The following SNTB1 variants were observed in gnomAD, a reference collection of about 807,000 sequenced individuals.
The protein encoded by SNTB1 is syntrophin beta 1.
A neutral mutation model predicts 48.9 loss-of-function variants in SNTB1; 36 were observed. That is an observed-to-expected ratio of 0.74 (90% CI 0.56 to 0.97). The LOEUF (loss-of-function observed/expected upper bound fraction) is 0.97, where lower values mean the gene tolerates loss of function less well. Ranked by LOEUF, SNTB1 falls within the 50% of genes least tolerant of loss-of-function variation. The pLI, the probability that SNTB1 is intolerant of heterozygous loss-of-function variation, is 0.00. For synonymous variants in SNTB1, 299 were observed against 294.6 expected (o/e 1.01, Z -0.15); for missense variants, 786 against 703.4 (o/e 1.12, Z -1.33).
intron 3 of SNTB1, among the ~76,000 whole-genome samples, chr8:120,621,779 C>T (rs944791056): frequency 1.3e-5 from 2 of 152,088 alleles, no homozygotes; most frequent in Non-Finnish European, 2.9e-5. Context: ...CTTTCATGCA[C>T]CCCCAGGTTT....
At chr8:120,705,508 G>C (rs549957011) in intron 1 of SNTB1, among the ~76,000 whole-genome samples, 2 of 152,262 alleles carry the variant, frequency 1.3e-5, no homozygotes, top group African/African-American at 4.8e-5. Flanking sequence ...GTAAGATTTG[G>C]GTTCAATATA....
intron 5 of SNTB1, among the ~76,000 whole-genome samples, chr8:120,545,680 G>A (rs1262657678): frequency 2.0e-5 from 3 of 152,218 alleles, no homozygotes; most frequent in African/African-American, 7.2e-5. Flanking sequence ...TGATGGAAAT[G>A]TTCTAGATCT....
At chr8:120,671,722 C>T (rs1321082636) in intron 2 of SNTB1, among the ~76,000 whole-genome samples, 1 of 152,154 alleles carries the variant, frequency 6.6e-6, no homozygotes, top group Non-Finnish European at 1.5e-5. Context: ...TTATGGAAGT[C>T]TAGAAAACTA....
chr8:120,715,998 G>A (rs1332685392), intron 1 of SNTB1, among the ~76,000 whole-genome samples: 1 of 152,164 alleles, frequency 6.6e-6, no homozygotes. Flanking sequence ...CACATCCTGA[G>A]TTCCACAGAA....
chr8:120,812,033 G>T lies in SNTB1; in HGVS notation c.-190C>A. On this transcript the variant is annotated 5_prime_UTR_variant, in exon 1 of 7. Coordinates refer to ENST00000517992, the MANE Select transcript of SNTB1 (RefSeq NM_021021.4). ...GGAGTTGGCAGCTGCACTCAGGCTG[G>T]TTCCCCCTCGCCTGATCCTGACCGG... 7.9e-7 allele frequency: 1 copy of T among 1,261,332 alleles called. No homozygotes were observed. The highest frequency in any genetic ancestry group is 9.9e-7 in the Non-Finnish European group (1 of 1,008,484). The allele number at this position is 1,261,332 out of a possible 1,614,324, so 78.1% of individuals were successfully genotyped here.
chr8:120,653,342 A>C (rs1051060691), intron 2 of SNTB1, among the ~76,000 whole-genome samples: 2 of 152,162 alleles, frequency 1.3e-5, no homozygotes, highest in Non-Finnish European at 2.9e-5. Flanking sequence ...AGGTGATGTG[A>C]AGGTGGAGGC....
At chr8:120,679,106 C>G (rs566773529) in intron 2 of SNTB1, among the ~76,000 whole-genome samples, 22 of 152,318 alleles carry the variant, frequency 1.4e-4, no homozygotes, top group Non-Finnish European at 2.9e-4. Flanking sequence ...GCTTCCCCAC[C>G]ACTTGTTGGT....
Position 120,811,269 on chromosome 8 carries a change from T to C in SNTB1, c.571+4A>G. On this transcript the variant is annotated splice_donor_region_variant and intron_variant, in intron 1 of 6. Coordinates refer to ENST00000517992, the MANE Select transcript of SNTB1 (RefSeq NM_021021.4). ...GCGCGGCCCGCGCGCTGTTAACCCC[T>C]TACCTTCCAGCAGCACTTCCTTGCC... is the stretch of plus-strand genomic sequence containing the variant. The C allele has an allele frequency of 6.3e-7, 1 of 1,591,370 alleles. No homozygotes were observed. The highest frequency in any genetic ancestry group is 8.5e-7 in the Non-Finnish European group (1 of 1,174,480).
intron 2 of SNTB1, among the ~76,000 whole-genome samples, chr8:120,667,752 T>C (rs1817697684): frequency 6.6e-6 from 1 of 152,314 alleles, no homozygotes; most frequent in South Asian, 2.1e-4. Context: ...CAGTGTTTTT[T>C]TTTCTGGGAC....
intron 4 of SNTB1, among the ~76,000 whole-genome samples, chr8:120,562,062 G>A (rs964091744): frequency 2.0e-5 from 3 of 152,178 alleles, no homozygotes; most frequent in Non-Finnish European, 4.4e-5. Flanking sequence ...CTTAGAGCTC[G>A]ATTACTGTGA....
intron 3 of SNTB1, among the ~76,000 whole-genome samples, chr8:120,596,062 G>A (rs2130713196): frequency 6.6e-6 from 1 of 152,194 alleles, no homozygotes; most frequent in South Asian, 2.1e-4. Flanking sequence ...CAATGCCCCT[G>A]CCCATGTTCA....
chr8:120,651,158 A>C (rs1425198681), intron 2 of SNTB1, among the ~76,000 whole-genome samples: 2 of 152,186 alleles, frequency 1.3e-5, no homozygotes, highest in African/African-American at 4.8e-5. Flanking sequence ...GGTCCAATGA[A>C]GCATGGAGAG....
At chr8:120,687,230 T>G (rs904673172) in intron 2 of SNTB1, among the ~76,000 whole-genome samples, 7 of 152,332 alleles carry the variant, frequency 4.6e-5, no homozygotes, top group Non-Finnish European at 1.0e-4. Flanking sequence ...TGTCTATGAA[T>G]GTGTAACTAA....
intron 2 of SNTB1, chr8:120,655,093 C>T (rs187876759): frequency 1.8e-5 from 6 of 338,080 alleles, no homozygotes; most frequent in Middle Eastern, 3.8e-4. Flanking sequence ...TAGATCATGA[C>T]ATTTTGGGGT....
intron 4 of SNTB1, among the ~76,000 whole-genome samples, chr8:120,571,661 G>A (rs1299854874): frequency 6.6e-6 from 1 of 151,720 alleles, no homozygotes; most frequent in Non-Finnish European, 1.5e-5. Context: ...ACCACACCAG[G>A]CTAATTTTTG....
intron 3 of SNTB1, among the ~76,000 whole-genome samples, chr8:120,613,866 T>C (rs1432318308): frequency 1.3e-5 from 2 of 152,222 alleles, no homozygotes; most frequent in Admixed American, 6.5e-5. Flanking sequence ...CGTTTTCTTT[T>C]TCTCATATAA....
chr8:120,783,143 G>A (rs1274806674), intron 1 of SNTB1, among the ~76,000 whole-genome samples: 1 of 152,118 alleles, frequency 6.6e-6, no homozygotes, highest in South Asian at 2.1e-4. Context: ...TAACAGAATA[G>A]CAAGTATTTC....
At chr8:120,658,543 A>G (rs7464975) in intron 2 of SNTB1, among the ~76,000 whole-genome samples, 129,231 of 152,216 alleles carry the variant, frequency 0.85, 55,065 homozygotes, top group Middle Eastern at 0.93. Flanking sequence ...TTGGTTTCCC[A>G]GTGCATGTAA....
intron 3 of SNTB1, among the ~76,000 whole-genome samples, chr8:120,592,443 T>A (rs1343432743): frequency 6.6e-6 from 1 of 152,016 alleles, no homozygotes; most frequent in African/African-American, 2.4e-5. Flanking sequence ...CCTACCTCAG[T>A]CTCCCAAAGT....
Sources: allele counts gnomAD v4.1 joint callset (sites outside exome capture counted in the v4.1 genomes callset), GRCh38; gene constraint gnomAD v4.1.1; transcripts MANE v1.5; gene names NCBI Gene and HGNC (gene_info 2026-07-23, HGNC 2026-07-21).